Variants in PRTG observed in about 807,000 individuals in gnomAD.
PRTG encodes immunoglobulin superfamily, DCC subclass, member 5.
Under a neutral mutation model 122.5 loss-of-function variants are expected in PRTG, and 67 were observed. The observed-to-expected ratio is 0.55, with a 90% CI of 0.45 to 0.67. The LOEUF (loss-of-function observed/expected upper bound fraction) is 0.67. Among genes scored for constraint, PRTG ranks in the 30% least tolerant of loss-of-function variants. The pLI, the probability that PRTG is intolerant of heterozygous loss-of-function variation, is 0.00. For missense variants in PRTG, 1,435 were observed against 1,415.4 expected (o/e 1.01, Z -0.22); for synonymous variants, 554 against 501.1 (o/e 1.11, Z -1.41).
chr15:55,686,692 TA>T (rs778731932), intron 2 of PRTG, among the ~76,000 whole-genome samples: 1 of 152,188 alleles, frequency 6.6e-6, no homozygotes, highest in Non-Finnish European at 1.5e-5. Context: ...CTGAATTAAT[TA>T]TTCCCTGTAA....
intron 2 of PRTG, among the ~76,000 whole-genome samples, chr15:55,696,316 A>C (rs2059631887): frequency 1.3e-5 from 2 of 152,318 alleles, no homozygotes; most frequent in Admixed American, 1.3e-4. Context: ...CCACAATTTC[A>C]GAGTTCAGTA....
intron 4 of PRTG, 65 bp from the exon 5 acceptor site, chr15:55,680,693 T>A: frequency 9.1e-7 from 1 of 1,101,028 alleles, no homozygotes; most frequent in Non-Finnish European, 1.2e-6. Context: ...GTGAAATTAG[T>A]GAGACATTTA....
intron 2 of PRTG, among the ~76,000 whole-genome samples, chr15:55,712,522 T>TA (rs146134890): frequency 0.011 from 1,603 of 152,324 alleles, 20 homozygotes; most frequent in East Asian, 0.012. Context: ...ATTTGATCAC[T>TA]AAGACAACCA....
intron 15 of PRTG, among the ~76,000 whole-genome samples, chr15:55,630,492 G>C (rs2059221952): frequency 6.6e-6 from 1 of 152,170 alleles, no homozygotes. Context: ...GAACCTCAGA[G>C]TACTGAAGAC....
Position 55,616,913 on chromosome 15 carries a change from T to G in PRTG, c.*3099A>C, listed in dbSNP as rs1457524496. On this transcript the variant is annotated 3_prime_UTR_variant, in exon 20 of 20. Coordinates refer to ENST00000389286, the MANE Select transcript of PRTG (RefSeq NM_173814.6). ...TTACTTACAGGCTAACCTATACATCTTAATGGTCTTTGGTATGAAAATACT... is the reference window on the plus strand; with the variant it reads ...TTACTTACAGGCTAACCTATACATCGTAATGGTCTTTGGTATGAAAATACT... The G allele has an allele frequency of 6.6e-6, 1 of 152,164 alleles. No individual in the cohort carries two copies. The highest frequency in any genetic ancestry group is 1.5e-5 in the Non-Finnish European group (1 of 67,998). 9.4% of individuals were successfully genotyped at this position (152,164 alleles called of 1,614,324 possible). A position where few individuals can be genotyped will look rare whatever the true frequency, so the allele number is the denominator to read the frequency against.
chr15:55,626,997 T>C lies in PRTG; in HGVS notation c.2927+11A>G, dbSNP rs1255035016. ...TTTTTCACCTCAACATCTCTAGCAA[T>C]GGAAACACACCTGGCTTTACTTCGG... On this transcript the variant is annotated intron_variant, in intron 17 of 19. Coordinates refer to ENST00000389286, the MANE Select transcript of PRTG (RefSeq NM_173814.6). 6 of 1,593,504 alleles carry C rather than the reference T, an allele frequency of 3.8e-6. No individual in the cohort carries two copies. The highest frequency in any genetic ancestry group is 5.1e-6 in the Non-Finnish European group (6 of 1,172,672).
chr15:55,648,156 C>G (rs537909060), intron 11 of PRTG, among the ~76,000 whole-genome samples: 33 of 152,212 alleles, frequency 2.2e-4, no homozygotes, highest in African/African-American at 7.7e-4. Context: ...AACAGTAAGT[C>G]ATTTCATTAA....
At chr15:55,639,608 G>T (rs1160128270) in intron 13 of PRTG, 34 bp downstream of exon 13, 1 of 1,588,314 alleles carries the variant, frequency 6.3e-7, no homozygotes, top group Non-Finnish European at 8.6e-7. Flanking sequence ...GGTGAGGTAA[G>T]CAAAGAAAAT....
intron 11 of PRTG, among the ~76,000 whole-genome samples, chr15:55,643,008 G>C (rs1225994880): frequency 6.6e-6 from 1 of 152,148 alleles, no homozygotes; most frequent in East Asian, 1.9e-4. Context: ...AGGAGGTGGA[G>C]ACTGTGGTGA....
At position 55,629,004 on chromosome 15, in the gene PRTG, C is replaced by G. The variant is rs775016636; in HGVS notation, c.2624G>C (p.Gly875Ala). ...TTCTAGCAAAGCCATGGTTATTGCC[C>G]CTAGAAATACATCAATTACAAATTA... ...AGEWQVLHRE[G>A]AITMALLENL... The change falls in exon 16 of 20, where the codon GGG becomes GCG. Residue 875 changes from glycine (G) to alanine (A), a missense_variant and splice_region_variant. Physicochemically the swap from Gly to Ala is moderately conservative, Grantham distance 60 (BLOSUM62 0). Transcript: ENST00000389286. 1.9e-5 allele frequency: 30 copies of G among 1,587,404 alleles called. No individual in the cohort carries two copies. The African/African-American group carries it at 3.9e-4, about 21-fold the overall frequency.
chr15:55,617,965 G>T lies in PRTG; in HGVS notation c.*2047C>A, dbSNP rs938489739. Reference sequence around the variant, plus strand: ...TATGCTTCCATGAGGCAGCTCAAAAGTAACAAAACGTTCCCTGAGTACAGG... The same window carrying T: ...TATGCTTCCATGAGGCAGCTCAAAATTAACAAAACGTTCCCTGAGTACAGG... On this transcript the variant is annotated 3_prime_UTR_variant, in exon 20 of 20. Coordinates refer to ENST00000389286, the MANE Select transcript of PRTG (RefSeq NM_173814.6). The T allele has an allele frequency of 2.0e-5, 3 of 152,090 alleles. No homozygotes were observed. Among genetic ancestry groups the T allele is most frequent in the African/African-American group, 7.2e-5 (3 of 41,426 alleles). The allele number at this position is 152,090 out of a possible 1,614,324, so 9.4% of individuals were successfully genotyped here.
At chr15:55,707,997 C>CAATTGGA (rs1217157144) in intron 2 of PRTG, among the ~76,000 whole-genome samples, 11 of 151,550 alleles carry the variant, frequency 7.3e-5, no homozygotes, top group African/African-American at 2.7e-4. Context: ...GGAAATACAC[C>CAATTGGA]AATGCTCAGA....
At chr15:55,642,473 C>G (rs543270633) in intron 11 of PRTG, among the ~76,000 whole-genome samples, 1 of 151,602 alleles carries the variant, frequency 6.6e-6, no homozygotes, top group Non-Finnish European at 1.5e-5. Context: ...AAAAATTAGC[C>G]GGACGTGATG....
chr15:55,645,026 G>T (rs2059312682), intron 11 of PRTG, among the ~76,000 whole-genome samples: 1 of 152,132 alleles, frequency 6.6e-6, no homozygotes, highest in Non-Finnish European at 1.5e-5. Context: ...ATTTGCCTTT[G>T]ATCTCAAAAT....
Position 55,620,096 on chromosome 15 carries a change from A to C in PRTG, c.3369T>G (p.Thr1123=). 1 of 1,614,218 alleles carries C rather than the reference A, an allele frequency of 6.2e-7. No homozygotes were observed. Residue 1123 remains threonine, a synonymous_variant, in exon 20 of 20, where the codon ACT becomes ACG. Coordinates refer to ENST00000389286, the MANE Select transcript of PRTG (RefSeq NM_173814.6). The stretch of plus-strand genomic sequence containing the variant: ...CATGAGAAAACCGCCCAGAATCCCC[A>C]GTCTCATGGCTGCCTTCACTATTTG... ...HSANSEGSHE[T]GDSGRFSHES...
intron 2 of PRTG, among the ~76,000 whole-genome samples, chr15:55,733,519 A>C (rs1197132886): frequency 2.0e-5 from 3 of 150,040 alleles, no homozygotes; most frequent in Non-Finnish European, 3.0e-5. Context: ...TCAAACAAAA[A>C]AAAAAAAAAA....
chr15:55,678,057 A>G lies in PRTG; in HGVS notation c.1134-13T>C. On this transcript the variant is annotated splice_polypyrimidine_tract_variant and intron_variant, in intron 7 of 19. Coordinates refer to ENST00000389286, the MANE Select transcript of PRTG (RefSeq NM_173814.6). The stretch of plus-strand genomic sequence containing the variant: ...AATTACCAATTTACTAGGGAAAGAA[A>G]AAAAATTATTTCCATGAAAAATTCT... 6.6e-7 allele frequency: 1 copy of G among 1,507,982 alleles called. No homozygotes were observed. Among genetic ancestry groups the G allele is most frequent in the African/African-American group, 1.4e-5 (1 of 72,584 alleles). The allele number at this position is 1,507,982 out of a possible 1,614,324, so 93.4% of individuals were successfully genotyped here.
chr15:55,627,094 T>C lies in PRTG; in HGVS notation c.2841A>G (p.Ser947=). ...YSGYYHLDQK[S]MTGIAVGVGI... is the part of the protein sequence containing the mutation. The stretch of plus-strand genomic sequence containing the variant: ...CAACACCTACAGCAATGCCAGTCAT[T>C]GATTTTTGGTCCAGATGGTAATATC... Residue 947 remains serine (S), a synonymous_variant, in exon 17 of 20, where the codon TCA becomes TCG. Transcript: ENST00000389286. 1 of 1,608,214 alleles carries C rather than the reference T, an allele frequency of 6.2e-7. No individual in the cohort carries two copies. The highest frequency in any genetic ancestry group is 8.5e-7 in the Non-Finnish European group (1 of 1,175,230).
intron 17 of PRTG, 56 bp from the exon 18 acceptor site, chr15:55,624,563 T>C: frequency 1.3e-6 from 2 of 1,485,020 alleles, no homozygotes; most frequent in East Asian, 2.3e-5. Context: ...TGCAGGCAAA[T>C]GAACCACCTG....
Sources: allele counts gnomAD v4.1 joint callset (sites outside exome capture counted in the v4.1 genomes callset), GRCh38; gene constraint gnomAD v4.1.1; transcripts MANE v1.5; gene names NCBI Gene and HGNC (gene_info 2026-07-23, HGNC 2026-07-21).